The following FRS2 variants were observed in gnomAD, a reference collection of about 807,000 sequenced individuals.
The protein encoded by FRS2 is fibroblast growth factor receptor substrate 2.
A neutral mutation model predicts 43.9 loss-of-function variants in FRS2; 8 were observed. The ratio of observed to expected loss-of-function variants is 0.18; its 90% CI spans 0.11 to 0.33. The LOEUF (loss-of-function observed/expected upper bound fraction) is 0.33. Among genes scored for constraint, FRS2 ranks in the 10% least tolerant of loss-of-function variants. The pLI, the probability that FRS2 is intolerant of heterozygous loss-of-function variation, is 1.00. For missense variants in FRS2, 534 were observed against 627.6 expected (o/e 0.85, Z 1.59); for synonymous variants, 219 against 220.3 (o/e 0.99, Z 0.05).
intron 1 of FRS2, among the ~76,000 whole-genome samples, chr12:69,472,090 C>CTT (rs1565707145): frequency 1.3e-5 from 2 of 151,944 alleles, no homozygotes; most frequent in Admixed American, 1.3e-4. Context: ...CCTTTCTTTT[C>CTT]TTTTTTCTTT....
At chr12:69,572,830 G>A (rs1565784912) in intron 8 of FRS2, among the ~76,000 whole-genome samples, 3 of 152,160 alleles carry the variant, frequency 2.0e-5, no homozygotes, top group Non-Finnish European at 2.9e-5. Context: ...ATAATGAGTT[G>A]TTATATTATT....
intron 1 of FRS2, among the ~76,000 whole-genome samples, chr12:69,478,631 A>G (rs953084517): frequency 2.0e-5 from 3 of 152,110 alleles, no homozygotes; most frequent in African/African-American, 7.2e-5. Flanking sequence ...GAAGTATTCT[A>G]AATTTTTGGG....
At chr12:69,525,196 T>A (rs542346210) in intron 1 of FRS2, among the ~76,000 whole-genome samples, 1 of 152,022 alleles carries the variant, frequency 6.6e-6, no homozygotes, top group Non-Finnish European at 1.5e-5. Context: ...AATATTGTTT[T>A]TTTTTTTTTT....
chr12:69,514,688 C>T (rs1034702877), intron 1 of FRS2, among the ~76,000 whole-genome samples: 1 of 152,088 alleles, frequency 6.6e-6, no homozygotes, highest in African/African-American at 2.4e-5. Flanking sequence ...CAACACTTAG[C>T]CAAGCGTGTT....
chr12:69,541,460 C>T (rs1877895619), intron 3 of FRS2, among the ~76,000 whole-genome samples: 2 of 152,046 alleles, frequency 1.3e-5, no homozygotes, highest in African/African-American at 4.8e-5. Flanking sequence ...TTGGCCTACT[C>T]TGTAAAAATA....
intron 1 of FRS2, among the ~76,000 whole-genome samples, chr12:69,509,043 C>T (rs1481498179): frequency 6.6e-6 from 1 of 152,132 alleles, no homozygotes; most frequent in Non-Finnish European, 1.5e-5. Flanking sequence ...GTTATTAATT[C>T]ATTTACAATT....
At chr12:69,513,167 C>T (rs1874634447) in intron 1 of FRS2, among the ~76,000 whole-genome samples, 1 of 150,730 alleles carries the variant, frequency 6.6e-6, no homozygotes, top group African/African-American at 2.4e-5. Context: ...TTTTTTTGAC[C>T]TTTTAATACA....
intron 1 of FRS2, among the ~76,000 whole-genome samples, chr12:69,479,372 A>C (rs1291761714): frequency 1.4e-5 from 2 of 145,898 alleles, no homozygotes; most frequent in Non-Finnish European, 3.0e-5. Context: ...ACAGTCCTTT[A>C]CAGTTAATCT....
At chr12:69,562,096 GAACT>G (rs1485115785) in intron 3 of FRS2, 80 bp from the exon 4 acceptor site, 3 of 393,992 alleles carry the variant, frequency 7.6e-6, no homozygotes, top group South Asian at 1.4e-4. Flanking sequence ...TAGATTAACT[GAACT>G]AACTGTGCTG....
intron 1 of FRS2, among the ~76,000 whole-genome samples, chr12:69,509,779 A>G (rs1284704539): frequency 1.3e-5 from 2 of 151,960 alleles, no homozygotes; most frequent in Non-Finnish European, 2.9e-5. Flanking sequence ...GTCTTTCCCA[A>G]TTCTCCTCAT....
intron 1 of FRS2, among the ~76,000 whole-genome samples, chr12:69,500,375 C>A (rs976922633): frequency 2.0e-4 from 31 of 152,070 alleles, no homozygotes; most frequent in African/African-American, 6.8e-4. Flanking sequence ...AAGTGGGGAG[C>A]ATCAAGGTAT....
At chr12:69,551,387 ATTATATG>A (rs2135737072) in intron 3 of FRS2, among the ~76,000 whole-genome samples, 1 of 148,970 alleles carries the variant, frequency 6.7e-6, no homozygotes, top group East Asian at 2.0e-4. Flanking sequence ...ACTACCAGTA[ATTATATG>A]TTATTGTAAG....
intron 4 of FRS2, among the ~76,000 whole-genome samples, chr12:69,565,587 T>G (rs1318867359): frequency 6.6e-6 from 1 of 152,212 alleles, no homozygotes; most frequent in Admixed American, 6.5e-5. Context: ...TTTAAAATTT[T>G]TAATTTTTTT....
At chr12:69,573,508 C>G (rs1880934448) in intron 8 of FRS2, among the ~76,000 whole-genome samples, 1 of 149,960 alleles carries the variant, frequency 6.7e-6, no homozygotes, top group Admixed American at 6.6e-5. Context: ...GTTGCCCAGG[C>G]TGATAATGTA....
intron 1 of FRS2, among the ~76,000 whole-genome samples, chr12:69,500,124 G>A (rs1873304760): frequency 6.6e-6 from 1 of 152,004 alleles, no homozygotes; most frequent in Non-Finnish European, 1.5e-5. Context: ...GTTGGCAATG[G>A]CAACATTAAA....
chr12:69,530,161 TAACAATTAATGATAATAATTGCTTAC>T (rs879773604), intron 1 of FRS2, among the ~76,000 whole-genome samples: 2,881 of 152,130 alleles, frequency 0.019, 53 homozygotes, highest in African/African-American at 0.05. Flanking sequence ...TAATTGCTTA[TAACAATTAATGATAATAATTGCTTAC>T]AACAATTAAT....
chr12:69,492,927 G>C (rs903034514), intron 1 of FRS2, among the ~76,000 whole-genome samples: 37 of 152,224 alleles, frequency 2.4e-4, no homozygotes, highest in African/African-American at 8.4e-4. Context: ...GCATACTTCT[G>C]CCATGGGTTG....
At position 69,536,101 on chromosome 12, in the gene FRS2, C is replaced by CCTT. The variant is rs1877251782; in HGVS notation, c.-122+4045_-122+4046insCTT. Among the ~76,000 whole-genome samples, 32 of 37,214 alleles carry CCTT rather than the reference C, an allele frequency of 8.6e-4. 2 individuals carry two copies. The highest frequency in any genetic ancestry group is 2.8e-3 in the African/African-American group (31 of 11,162). The allele number at this position is 37,214 out of a possible 152,430, so 24.4% of individuals were successfully genotyped here. On this transcript the variant is annotated intron_variant, in intron 3 of 8. Transcript: ENST00000549921. ...TTTTGGTTACTGTAGTATTTTCATT[C>CCTT]TTTTTTTTTTTTTTTTTTTTTTTTT...
At chr12:69,501,408 T>C (rs183064315) in intron 1 of FRS2, among the ~76,000 whole-genome samples, 67 of 152,320 alleles carry the variant, frequency 4.4e-4, no homozygotes, top group Non-Finnish European at 7.4e-4. Context: ...CATTTTGGCA[T>C]GTACCATGTT....
Sources: allele counts gnomAD v4.1 joint callset (sites outside exome capture counted in the v4.1 genomes callset), GRCh38; gene constraint gnomAD v4.1.1; transcripts MANE v1.5; gene names NCBI Gene and HGNC (gene_info 2026-07-23, HGNC 2026-07-21).